GLT6D1: variants seen among roughly 807,000 people sequenced by gnomAD.
GLT6D1 encodes the protein putative glycosyltransferase 6 domain-containing protein 1.
In GLT6D1, 9 loss-of-function variants were observed where a neutral mutation model predicts 12.3. The observed-to-expected ratio is 0.73, with a 90% CI of 0.44 to 1.27. The LOEUF (loss-of-function observed/expected upper bound fraction) is 1.27. Ranked by LOEUF, GLT6D1 falls within the 50% of genes most tolerant of loss-of-function variation. The pLI is 0.00. For synonymous variants in GLT6D1, 128 were observed against 132.3 expected, an observed-to-expected ratio of 0.97 and a Z score of 0.23; for missense variants, 335 against 346.2, an observed-to-expected ratio of 0.97 and a Z score of 0.26.
chr9:135,626,143 G>T lies in GLT6D1; in HGVS notation c.183C>A (p.Phe61Leu). 6.2e-7 allele frequency: 1 copy of T among 1,613,970 alleles called. No homozygotes were observed. Among genetic ancestry groups the T allele is most frequent in the Non-Finnish European group, 8.5e-7 (1 of 1,179,984 alleles). ...AATGTTTTTCCAGGACCCGCCTGTC[G>T]AAAGTCCCTTCCCATAGGACAGGAG... is the stretch of plus-strand genomic sequence containing the variant. ...WLAPVLWEGT[F>L]DRRVLEKHYR... is the part of the protein sequence containing the mutation. The change falls in exon 4 of 5, where the codon TTC becomes TTA. Residue 61 changes from phenylalanine (F) to leucine (L), a missense_variant. Transcript: ENST00000371763.
At chr9:135,631,545 G>C in intron 2 of GLT6D1, 67 bp from the exon 3 acceptor site, 2 of 1,228,966 alleles carry the variant, frequency 1.6e-6, no homozygotes, top group African/African-American at 1.5e-5. Flanking sequence ...CCTGTGATAG[G>C]CAGGCCCCGT....
chr9:135,634,403 C>T (rs981009109), intron 2 of GLT6D1, among the ~76,000 whole-genome samples: 1 of 146,116 alleles, frequency 6.8e-6, no homozygotes, highest in African/African-American at 2.5e-5. Flanking sequence ...GCTGGAATTA[C>T]AGGCGTAAGC....
intron 2 of GLT6D1, among the ~76,000 whole-genome samples, chr9:135,633,714 T>C (rs1174426163): frequency 6.6e-6 from 1 of 152,196 alleles, no homozygotes; most frequent in African/African-American, 2.4e-5. Flanking sequence ...TTACTGAGCA[T>C]CCTGTATGTT....
In GLT6D1 at chr9:135,626,185, CG is replaced by C; in HGVS notation, c.140del (p.Thr47ArgfsTer46). On this transcript the variant is annotated frameshift_variant, in exon 4 of 5. Coordinates refer to ENST00000371763, the MANE Select transcript of GLT6D1 (RefSeq NM_182974.3). LOFTEE classifies it high-confidence loss of function. Reference protein sequence around the residue: ...FHPRKRPDVITKTDWLAPVLW... With the variant: ...FHPRKRPDVIXKTDWLAPVLW... ...GGACAGGAGCGAGCCAGTCTGTTTT[CG>C]TTATAACATCAGGGCGTTTTCTGTG... 1 of 1,614,000 alleles carries C rather than the reference CG, an allele frequency of 6.2e-7. No homozygotes were observed. Among genetic ancestry groups the C allele is most frequent in the Non-Finnish European group, 8.5e-7 (1 of 1,179,992 alleles).
chr9:135,624,472 CT>C lies in GLT6D1; in HGVS notation c.455del (p.Lys152ArgfsTer79). ...WWLDGPLVHV[K>X]SLGEHIASHI... is the part of the protein sequence containing the mutation. ...GACTGGCGATGTGTTCACCCAGGCT[CT>C]TCACATGCACCAGGGGGCCATCGAG... On this transcript the variant is annotated frameshift_variant, in exon 5 of 5. Transcript: ENST00000371763. LOFTEE classifies it low-confidence loss of function (END_TRUNC). 1 of 1,613,744 alleles carries C rather than the reference CT, an allele frequency of 6.2e-7. No individual in the cohort carries two copies. Among genetic ancestry groups the C allele is most frequent in the Non-Finnish European group, 8.5e-7 (1 of 1,179,916 alleles).
In GLT6D1 at chr9:135,626,153, T is replaced by C. The variant is rs781022360; in HGVS notation, c.173A>G (p.Glu58Gly). 14 of 1,613,748 alleles carry C rather than the reference T, an allele frequency of 8.7e-6. No homozygotes were observed. The highest frequency in any genetic ancestry group is 3.3e-5 in the South Asian group (3 of 91,082). The stretch of plus-strand genomic sequence containing the variant: ...CAGGACCCGCCTGTCGAAAGTCCCT[T>C]CCCATAGGACAGGAGCGAGCCAGTC... ...KTDWLAPVLW[E>G]GTFDRRVLEK... Residue 58 changes from glutamate (E) to glycine (G), a missense_variant, in exon 4 of 5, where the codon GAA becomes GGA. Coordinates refer to ENST00000371763, the MANE Select transcript of GLT6D1 (RefSeq NM_182974.3).
intron 2 of GLT6D1, among the ~76,000 whole-genome samples, chr9:135,634,464 TG>T (rs71384009): frequency 0.037 from 4,831 of 132,060 alleles, 287 homozygotes; most frequent in Non-Finnish European, 0.061. Context: ...TTTTTTTTTT[TG>T]GCATGATTTA....
At position 135,624,880 on chromosome 9, in the gene GLT6D1, C is replaced by T. The variant is rs543823262; in HGVS notation, c.258-210G>A. ...AAGTAGCTGGGACTACAGGCACCTG[C>T]CACCACGCCCAGGTAATTTTTTTTT... On this transcript the variant is annotated intron_variant, in intron 4 of 4. Transcript: ENST00000371763. 1.9e-4 allele frequency among the ~76,000 whole-genome samples: 28 copies of T among 149,690 alleles called. No individual in the cohort carries two copies. In the South Asian group the frequency reaches 4.4e-3, roughly 23 times the overall value.
At position 135,631,560 on chromosome 9, in the gene GLT6D1, TG is replaced by T. The variant is rs1442293826; in HGVS notation, c.72-83del. On this transcript the variant is annotated intron_variant, in intron 2 of 4. Coordinates refer to ENST00000371763, the MANE Select transcript of GLT6D1 (RefSeq NM_182974.3). The stretch of plus-strand genomic sequence containing the variant: ...CCTGTGATAGGCAGGCCCCGTTTGG[TG>T]TTTCGTCAACATGCATCAACCCAAA... 5 of 1,106,348 alleles carry T rather than the reference TG, an allele frequency of 4.5e-6. No individual in the cohort carries two copies. The African/African-American group carries it at 7.7e-5, about 17-fold the overall frequency. 68.5% of individuals were successfully genotyped at this position (1,106,348 alleles called of 1,614,324 possible).
chr9:135,636,480 G>T (rs13288874), intron 2 of GLT6D1, among the ~76,000 whole-genome samples: 2 of 152,114 alleles, frequency 1.3e-5, no homozygotes, highest in East Asian at 3.8e-4. Context: ...CTCACAGTCT[G>T]CATTGCTTCC....
chr9:135,627,128 C>T (rs1040780770), intron 3 of GLT6D1, among the ~76,000 whole-genome samples: 1 of 151,426 alleles, frequency 6.6e-6, no homozygotes, highest in Admixed American at 6.6e-5. Flanking sequence ...CTAGCCACTG[C>T]AATAAGGCAA....
At chr9:135,636,119 C>G (rs918569911) in intron 2 of GLT6D1, among the ~76,000 whole-genome samples, 1 of 152,190 alleles carries the variant, frequency 6.6e-6, no homozygotes, top group African/African-American at 2.4e-5. Flanking sequence ...TTTTGGGAGG[C>G]TGTGGCAGGC....
At chr9:135,639,231 T>TA (rs1554754137) in intron 1 of GLT6D1, 38 bp from the exon 2 acceptor site, 4 of 1,175,206 alleles carry the variant, frequency 3.4e-6, no homozygotes, top group African/African-American at 1.5e-5. Flanking sequence ...TTTTAAGCAA[T>TA]AAAAAATGAC....
At chr9:135,635,515 A>G (rs1427504649) in intron 2 of GLT6D1, among the ~76,000 whole-genome samples, 1 of 152,078 alleles carries the variant, frequency 6.6e-6, no homozygotes, top group Non-Finnish European at 1.5e-5. Context: ...TTCCTGGAGA[A>G]TGGTGCTAGA....
Position 135,631,482 on chromosome 9 carries a change from G to C in GLT6D1, c.72-4C>G, listed in dbSNP as rs1833646251. ...AAGTTCTTCTACTTGGTGATTCCTG[G>C]ATACAAAGAGAAAATCAAGTGATTG... On this transcript the variant is annotated splice_polypyrimidine_tract_variant and splice_region_variant and intron_variant, in intron 2 of 4. Transcript: ENST00000371763. The C allele has an allele frequency of 1.2e-6, 2 of 1,604,406 alleles. No individual in the cohort carries two copies. Among genetic ancestry groups the C allele is most frequent in the Non-Finnish European group, 1.7e-6 (2 of 1,171,236 alleles).
chr9:135,638,195 A>G (rs1833819443), intron 2 of GLT6D1, among the ~76,000 whole-genome samples: 1 of 152,252 alleles, frequency 6.6e-6, no homozygotes, highest in South Asian at 2.1e-4. Context: ...TAAACCCATC[A>G]GATCTCATGA....
chr9:135,625,472 C>A (rs1833487309), intron 4 of GLT6D1, among the ~76,000 whole-genome samples: 1 of 152,156 alleles, frequency 6.6e-6, no homozygotes, highest in Admixed American at 6.5e-5. Context: ...ATAGCCAATG[C>A]CTGCTTGTCG....
rs150045671 is a variant in GLT6D1 at position 135,635,801 on chromosome 9, G to A, written c.71+3316C>T. Among the ~76,000 whole-genome samples the A allele has an allele frequency of 2.6e-4, 39 of 152,296 alleles. 1 individual carries two copies. The highest frequency in any genetic ancestry group is 6.8e-3 in the Middle Eastern group (2 of 294). On this transcript the variant is annotated intron_variant, in intron 2 of 4. Coordinates refer to ENST00000371763, the MANE Select transcript of GLT6D1 (RefSeq NM_182974.3). ...TGTCTCTGTTCATAGTAAGGTAAACGTGAGTTCACGCTGAGGTCTCCAGCT... is the reference window on the plus strand; with the variant it reads ...TGTCTCTGTTCATAGTAAGGTAAACATGAGTTCACGCTGAGGTCTCCAGCT...
At chr9:135,632,908 T>G (rs1588203957) in intron 2 of GLT6D1, among the ~76,000 whole-genome samples, 1 of 152,286 alleles carries the variant, frequency 6.6e-6, no homozygotes, top group East Asian at 1.9e-4. Flanking sequence ...TCTCAAATGA[T>G]CCACCTGCCT....
Sources: allele counts gnomAD v4.1 joint callset (sites outside exome capture counted in the v4.1 genomes callset), GRCh38; gene constraint gnomAD v4.1.1; transcripts MANE v1.5; gene names NCBI Gene and HGNC (gene_info 2026-07-23, HGNC 2026-07-21).